Variants in ARHGAP33 observed in about 807,000 individuals in gnomAD.
ARHGAP33 encodes rho GTPase-activating protein 33.
A neutral mutation model predicts 126.2 loss-of-function variants in ARHGAP33; 57 were observed. The ratio of observed to expected loss-of-function variants is 0.45; its 90% CI spans 0.36 to 0.56. The LOEUF (loss-of-function observed/expected upper bound fraction) is 0.56. Among genes scored for constraint, ARHGAP33 ranks in the 20% least tolerant of loss-of-function variants. ARHGAP33 has a pLI of 0.00. For synonymous variants in ARHGAP33, 711 were observed against 755.0 expected (o/e 0.94, Z 0.95); for missense variants, 1,500 against 1,748.3 (o/e 0.86, Z 2.53).
chr19:35,778,433 CCTGCTCCCTTCTGTCCCT>C lies in ARHGAP33; in HGVS notation c.271-22_271-5del. 1 of 1,614,126 alleles carries C rather than the reference CCTGCTCCCTTCTGTCCCT, an allele frequency of 6.2e-7. No homozygotes were observed. Among genetic ancestry groups the C allele is most frequent in the South Asian group, 1.1e-5 (1 of 91,088 alleles). On this transcript the variant is annotated splice_polypyrimidine_tract_variant and intron_variant, in intron 4 of 20. Transcript: ENST00000007510. ...GTCCTCAGCTCGGTGTCATGGGGCCCCTGCTCCCTTCTGTCCCTCTGCTCCCACAGGGCCGTTCCTGGC... is the reference window on the plus strand; with the variant it reads ...GTCCTCAGCTCGGTGTCATGGGGCCCCTGCTCCCACAGGGCCGTTCCTGGC...
In ARHGAP33 at chr19:35,782,290, G is replaced by A; in HGVS notation, c.1086-83G>A. ...GGGTTCCATCCACCTGCGGGCACTT[G>A]GGGGTAGGGGCAAGGGGAGCATGGC... On this transcript the variant is annotated intron_variant, in intron 12 of 20. Transcript: ENST00000007510. This position sits in a 1 kb window ranked among gnomAD's most constrained non-coding sequence, Gnocchi z 4.1. 1 of 1,509,864 alleles carries A rather than the reference G, an allele frequency of 6.6e-7. No individual in the cohort carries two copies. The highest frequency in any genetic ancestry group is 9.0e-7 in the Non-Finnish European group (1 of 1,110,070). The allele number at this position is 1,509,864 out of a possible 1,614,324, so 93.5% of individuals were successfully genotyped here.
intron 16 of ARHGAP33, chr19:35,784,651 G>A: frequency 2.8e-6 from 3 of 1,076,850 alleles, no homozygotes; most frequent in African/African-American, 4.4e-5. Context: ...TCCCCGCCCT[G>A]CCCCGGACCC....
intron 3 of ARHGAP33, 120 bp downstream of exon 3, chr19:35,778,028 G>GCAGT (rs1971551378): frequency 8.6e-7 from 1 of 1,162,170 alleles, no homozygotes. Flanking sequence ...ACGCGTCTGA[G>GCAGT]CAGTCAGTAG....
rs1411553850 is a variant in ARHGAP33, at chr19:35,782,635, G to A, written c.1269G>A (p.Val423=). Reference sequence around the variant, plus strand: ...TGCCTGGGGAGGAGGAGCGTCTGGTGCGGGTGCACGATGTCATCCAGCAGC... The same window carrying A: ...TGCCTGGGGAGGAGGAGCGTCTGGTACGGGTGCACGATGTCATCCAGCAGC... The part of the protein sequence containing the change: ...MSVPGEEERL[V]RVHDVIQQLP... Residue 423 remains valine, a synonymous_variant, in exon 14 of 21, where the codon GTG becomes GTA. Transcript: ENST00000007510. This position sits in a 1 kb window ranked among gnomAD's most constrained non-coding sequence, Gnocchi z 4.1. 1.9e-6 allele frequency: 3 copies of A among 1,613,520 alleles called. No individual in the cohort carries two copies. The highest frequency in any genetic ancestry group is 1.7e-5 in the Admixed American group (1 of 59,936).
At chr19:35,784,579 G>T (rs1971993722) in intron 16 of ARHGAP33, 1 of 1,312,732 alleles carries the variant, frequency 7.6e-7, no homozygotes. Flanking sequence ...TTGGGGCCAT[G>T]GGTCCACCTG....
At position 35,782,454 on chromosome 19, in the gene ARHGAP33, C is replaced by T. The variant is rs916410962; in HGVS notation, c.1167C>T (p.Cys389=). Residue 389 remains cysteine (C), a synonymous_variant, in exon 13 of 21, where the codon TGC becomes TGT. Transcript: ENST00000007510. This position sits in a 1 kb window ranked among gnomAD's most constrained non-coding sequence, Gnocchi z 4.1. The stretch of plus-strand genomic sequence containing the variant: ...ACATCCACAGCGTGTCCTCCCTCTG[C>T]AAGCTCTACTTCCGAGAGCTTCCGA... The part of the protein sequence containing the change: ...LQDIHSVSSL[C]KLYFRELPNP... The T allele has an allele frequency of 6.2e-7, 1 of 1,613,664 alleles. No individual in the cohort carries two copies. The highest frequency in any genetic ancestry group is 1.1e-5 in the South Asian group (1 of 91,076).
At chr19:35,785,753 C>T (rs570370101) in intron 19 of ARHGAP33, 1 of 1,294,396 alleles carries the variant, frequency 7.7e-7, no homozygotes, top group African/African-American at 1.5e-5. Flanking sequence ...ATATCATGGA[C>T]ACCCATGAAC....
In ARHGAP33 at chr19:35,786,784, C is replaced by A; in HGVS notation, c.2314C>A (p.Pro772Thr). 1 of 1,517,210 alleles carries A rather than the reference C, an allele frequency of 6.6e-7. No individual in the cohort carries two copies. Among genetic ancestry groups the A allele is most frequent in the Non-Finnish European group, 8.8e-7 (1 of 1,136,144 alleles). 94.0% of individuals were successfully genotyped at this position (1,517,210 alleles called of 1,614,324 possible). The change falls in exon 20 of 21, where the codon CCC (proline) becomes ACC (threonine). Residue 772 changes from proline (P) to threonine (T), a missense_variant. This residue lies in a region of ARHGAP33 where 73 missense variants were observed against 110.8 expected (regional missense o/e 0.66). Coordinates refer to ENST00000007510, the MANE Select transcript of ARHGAP33 (RefSeq NM_001366178.1). This position sits in a 1 kb window ranked among gnomAD's most constrained non-coding sequence, Gnocchi z 7.0. ...CCCCGCCCCTGCCTCTGCCTTCCCACCCAGGGTGACCCCCCAGGCCATCTC... is the reference window on the plus strand; with the variant it reads ...CCCCGCCCCTGCCTCTGCCTTCCCAACCAGGGTGACCCCCCAGGCCATCTC... ...APPAPASAFP[P>T]RVTPQAISPR...
Position 35,787,321 on chromosome 19 carries a change from A to T in ARHGAP33, c.2756A>T (p.Glu919Val). ...QQVAEQQSQQ[E>V]CGGTPPASQS... is the part of the protein sequence containing the mutation. ...GTGGCCGAGCAACAGAGCCAGCAGG[A>T]GTGTGGGGGCACCCCACCTGCTTCC... Residue 919 changes from glutamate to valine, a missense_variant, in exon 21 of 21, where the codon GAG becomes GTG. Physicochemically the swap from Glu to Val is moderately radical, Grantham distance 121. Coordinates refer to ENST00000007510, the MANE Select transcript of ARHGAP33 (RefSeq NM_001366178.1). 6.2e-7 allele frequency: 1 copy of T among 1,612,124 alleles called. No individual in the cohort carries two copies. The highest frequency in any genetic ancestry group is 1.1e-5 in the South Asian group (1 of 91,008).
rs113013816 is a variant in ARHGAP33 at position 35,779,155 on chromosome 19, G to A, written c.501+31G>A. 757 of 1,527,462 alleles carry A rather than the reference G, an allele frequency of 5.0e-4. 1 individual carries two copies. Among genetic ancestry groups the A allele is most frequent in the Non-Finnish European group, 6.4e-4 (720 of 1,126,980 alleles). 94.6% of individuals were successfully genotyped at this position (1,527,462 alleles called of 1,614,324 possible). On this transcript the variant is annotated intron_variant, in intron 6 of 20. Transcript: ENST00000007510. ...CCTGGGCAGGGGGCTTGGAGATTCC[G>A]AGTGGGTGAGGGGGTGTCTGAGGGG...
chr19:35,775,695 C>G (rs749233079), intron 1 of ARHGAP33, 31 bp downstream of exon 1: 3 of 1,533,614 alleles, frequency 2.0e-6, no homozygotes, highest in Non-Finnish European at 2.6e-6. Flanking sequence ...TCAGCCTGTC[C>G]GTCCGGATGT....
Position 35,786,353 on chromosome 19 carries a change from C to A in ARHGAP33, c.1943-60C>A. On this transcript the variant is annotated intron_variant, in intron 19 of 20. Transcript: ENST00000007510. The surrounding 1 kb of genome is among the most constrained non-coding windows in gnomAD (Gnocchi z 7.0). ...GCGCCTCTTCATGTCCTTTCCCCAG[C>A]TTTCTGTGGGGCTGTGCGCCCTGTT... is the stretch of plus-strand genomic sequence containing the variant. 1 of 1,470,596 alleles carries A rather than the reference C, an allele frequency of 6.8e-7. No individual in the cohort carries two copies. The allele number at this position is 1,470,596 out of a possible 1,614,324, so 91.1% of individuals were successfully genotyped here.
intron 15 of ARHGAP33, 184 bp downstream of exon 15, chr19:35,783,053 G>A (rs1465520312): frequency 5.0e-6 from 3 of 599,718 alleles, no homozygotes; most frequent in Non-Finnish European, 5.9e-6. Context: ...TGGGACTCAT[G>A]TTCTCATGGA....
At chr19:35,778,044 G>T in intron 3 of ARHGAP33, 136 bp downstream of exon 3, 2 of 1,062,888 alleles carry the variant, frequency 1.9e-6, no homozygotes, top group Non-Finnish European at 1.4e-6. Context: ...AGTAGCAAAA[G>T]TTGCAGGAGC....
rs1487964048 is a variant in ARHGAP33, at chr19:35,787,605, G to C, written c.3040G>C (p.Glu1014Gln). 1.9e-6 allele frequency: 3 copies of C among 1,605,518 alleles called. No homozygotes were observed. Among genetic ancestry groups the C allele is most frequent in the Non-Finnish European group, 2.5e-6 (3 of 1,177,438 alleles). ...AGGTGGCGGGGGCAGGGATGCGCCA[G>C]AGGCAGCAGCCCAGTCCCCATGTTC... Reference protein sequence around the residue: ...RAGGGGRDAPEAAAQSPCSVP... With the variant: ...RAGGGGRDAPQAAAQSPCSVP... Residue 1014 changes from glutamate to glutamine, a missense_variant, in exon 21 of 21, where the codon GAG (glutamate) becomes CAG (glutamine). Coordinates refer to ENST00000007510, the MANE Select transcript of ARHGAP33 (RefSeq NM_001366178.1).
rs571629500 is a variant in ARHGAP33, at chr19:35,787,814, G to T, written c.3249G>T (p.Glu1083Asp). The change falls in exon 21 of 21, where the codon GAG becomes GAT. Residue 1083 changes from glutamate (E) to aspartate (D), a missense_variant. By Grantham distance (45) the Glu-to-Asp change is conservative. Transcript: ENST00000007510. ...CCCCTGCACCACTCGACAGGGGAGA[G>T]AACCTGTACTATGAGATCGGGGCAA... The part of the protein sequence containing the change: ...LGPPAPLDRG[E>D]NLYYEIGASE... The T allele has an allele frequency of 1.4e-5, 23 of 1,603,472 alleles. No homozygotes were observed. In the East Asian group the frequency reaches 5.1e-4, roughly 36 times the overall value.
At chr19:35,784,699 G>T in intron 16 of ARHGAP33, 1 of 1,304,902 alleles carries the variant, frequency 7.7e-7, no homozygotes, top group Non-Finnish European at 9.7e-7. Context: ...AGGGCCCTCT[G>T]GCCCGAGGTA....
rs1971871273 is a variant in ARHGAP33 at position 35,782,831 on chromosome 19, C to T, written c.1383C>T (p.Ala461=). The change falls in exon 15 of 21, where the codon GCC becomes GCT. Residue 461 remains alanine (A), a synonymous_variant. Transcript: ENST00000007510. The surrounding 1 kb of genome is among the most constrained non-coding windows in gnomAD (Gnocchi z 4.1). ...ACAGTGCCAACACCAGCATGCATGC[C>T]CGCAACCTGGCCATTGTCTGGGCAC... ...ARHSANTSMH[A]RNLAIVWAPN... 6.2e-7 allele frequency: 1 copy of T among 1,613,838 alleles called. No homozygotes were observed. Among genetic ancestry groups the T allele is most frequent in the African/African-American group, 1.3e-5 (1 of 75,052 alleles).
intron 12 of ARHGAP33, among the ~76,000 whole-genome samples, 165 bp downstream of exon 12, chr19:35,781,417 G>A (rs538172455): frequency 2.7e-4 from 41 of 152,298 alleles, no homozygotes; most frequent in Middle Eastern, 3.4e-3. Flanking sequence ...CAGTCTAAGC[G>A]AGGACTATCT....
Sources: gnomAD v4.1 joint callset for allele counts (sites outside exome capture counted in the v4.1 genomes callset) on GRCh38, gnomAD v4.1.1 for gene constraint, gnomAD v4.1.1 regional missense constraint, Gnocchi (gnomAD v3.1) non-coding constraint, MANE v1.5 for transcripts, NCBI Gene and HGNC (gene_info 2026-07-23, HGNC 2026-07-21) for gene names.